OSBPL3: variants seen among roughly 807,000 people sequenced by gnomAD.
OSBPL3 encodes oxysterol binding protein like 3.
OSBPL3 carries 65 observed loss-of-function variants against 120.1 expected under a neutral mutation model. The observed-to-expected ratio is 0.54, with a 90% CI of 0.44 to 0.67. The LOEUF is 0.67. OSBPL3 is among the 30% of genes least tolerant of loss of function. The pLI, the probability that OSBPL3 is intolerant of heterozygous loss-of-function variation, is 0.00. For synonymous variants in OSBPL3, 416 were observed against 402.6 expected (o/e 1.03, Z -0.40); for missense variants, 1,004 against 1,082.1 (o/e 0.93, Z 1.01).
intron 14 of OSBPL3, among the ~76,000 whole-genome samples, chr7:24,836,986 C>A (rs1797079312): frequency 6.6e-6 from 1 of 152,096 alleles, no homozygotes; most frequent in Admixed American, 6.6e-5. Flanking sequence ...AGATGCACAC[C>A]AACATGCCTG....
chr7:24,801,863 T>C (rs1331739901), intron 22 of OSBPL3, among the ~76,000 whole-genome samples: 1 of 152,254 alleles, frequency 6.6e-6, no homozygotes, highest in African/African-American at 2.4e-5. Context: ...TATACAGTTG[T>C]ATGATATTCC....
At chr7:24,917,517 G>A (rs535889974) in intron 1 of OSBPL3, among the ~76,000 whole-genome samples, 52 of 145,788 alleles carry the variant, frequency 3.6e-4, no homozygotes, top group African/African-American at 1.2e-3. Flanking sequence ...CAATTTTTTT[G>A]TAACTCCTAA....
At position 24,883,460 on chromosome 7, in the gene OSBPL3, T is replaced by C. The variant is rs1004978584; in HGVS notation, c.96+8917A>G. ...TTGCATCAATAGCTTCTTGAGAACA[T>C]TCCATTACCTTGTACAGCTGCTATG... On this transcript the variant is annotated intron_variant, in intron 2 of 22. Coordinates refer to ENST00000313367, the MANE Select transcript of OSBPL3 (RefSeq NM_015550.4). The surrounding 1 kb of genome is among the most constrained non-coding windows in gnomAD (Gnocchi z 5.4). 6.6e-5 allele frequency among the ~76,000 whole-genome samples: 10 copies of C among 152,164 alleles called. No homozygotes were observed. Among genetic ancestry groups the C allele is most frequent in the African/African-American group, 2.4e-4 (10 of 41,430 alleles).
In OSBPL3 at chr7:24,883,390, C is replaced by T. The variant is rs188489413; in HGVS notation, c.96+8987G>A. Among the ~76,000 whole-genome samples, 24 of 152,202 alleles carry T rather than the reference C, an allele frequency of 1.6e-4. 1 individual carries two copies. The South Asian group carries it at 2.5e-3, about 16-fold the overall frequency. ...TATCAAATTACTGAAGCAGACTTTCCCCTCCCCAGGAAAGAGCTATTGAAT... is the reference window on the plus strand; with the variant it reads ...TATCAAATTACTGAAGCAGACTTTCTCCTCCCCAGGAAAGAGCTATTGAAT... On this transcript the variant is annotated intron_variant, in intron 2 of 22. Coordinates refer to ENST00000313367, the MANE Select transcript of OSBPL3 (RefSeq NM_015550.4). This position sits in a 1 kb window ranked among gnomAD's most constrained non-coding sequence, Gnocchi z 5.4.
Position 24,879,506 on chromosome 7 carries a change from T to A in OSBPL3, c.97-7437A>T, listed in dbSNP as rs1803345892. Among the ~76,000 whole-genome samples, 1 of 152,190 alleles carries A rather than the reference T, an allele frequency of 6.6e-6. No homozygotes were observed. Among genetic ancestry groups the A allele is most frequent in the Non-Finnish European group, 1.5e-5 (1 of 68,034 alleles). On this transcript the variant is annotated intron_variant, in intron 2 of 22. Transcript: ENST00000313367. The surrounding 1 kb of genome is among the most constrained non-coding windows in gnomAD (Gnocchi z 5.6). The stretch of plus-strand genomic sequence containing the variant: ...AATTCAGGCCCCAGAATGTTTCAAG[T>A]CTTACTACTTGGTTAGCCACAGACC...
rs547731037 is a variant in OSBPL3, at chr7:24,897,803, G to T, written c.-149-5182C>A. 3.3e-5 allele frequency among the ~76,000 whole-genome samples: 5 copies of T among 152,310 alleles called. No individual in the cohort carries two copies. The South Asian group carries it at 8.3e-4, about 25-fold the overall frequency. On this transcript the variant is annotated intron_variant, in intron 1 of 22. Coordinates refer to ENST00000313367, the MANE Select transcript of OSBPL3 (RefSeq NM_015550.4). ...TCATCACCACTAGCTCTCCAAAAAA[G>T]CAACATTATCTGGTAGATTGCAAAA...
chr7:24,934,565 T>A (rs1373874991), intron 1 of OSBPL3, among the ~76,000 whole-genome samples: 1 of 152,182 alleles, frequency 6.6e-6, no homozygotes, highest in East Asian at 1.9e-4. Flanking sequence ...AAGTCTATCA[T>A]GCAAGCTGAT....
Position 24,798,444 on chromosome 7 carries a change from GA to G in OSBPL3, c.*1738del, listed in dbSNP as rs1791946912. 1 of 152,192 alleles carries G rather than the reference GA, an allele frequency of 6.6e-6. No homozygotes were observed. Among genetic ancestry groups the G allele is most frequent in the Non-Finnish European group, 1.5e-5 (1 of 68,034 alleles). The allele number at this position is 152,192 out of a possible 1,614,324, so 9.4% of individuals were successfully genotyped here. ...AGAATTTGGATAAATGCTTGAGATG[GA>G]AAGAACAAAGCATACACCAAAGAAT... On this transcript the variant is annotated 3_prime_UTR_variant, in exon 23 of 23. Transcript: ENST00000313367. This position sits in a 1 kb window ranked among gnomAD's most constrained non-coding sequence, Gnocchi z 4.6.
chr7:24,852,783 T>TA lies in OSBPL3; in HGVS notation c.1028-150dup. On this transcript the variant is annotated intron_variant, in intron 10 of 22. Transcript: ENST00000313367. The surrounding 1 kb of genome is among the most constrained non-coding windows in gnomAD (Gnocchi z 4.1). Reference sequence around the variant, plus strand: ...CAAATGTACATTCTACCTTGACTTTTAAAAAACACATTTGCCATGTAGAAC... The same window carrying TA: ...CAAATGTACATTCTACCTTGACTTTTAAAAAAACACATTTGCCATGTAGAAC... 1.7e-6 allele frequency: 1 copy of TA among 581,638 alleles called. No homozygotes were observed. Among genetic ancestry groups the TA allele is most frequent in the East Asian group, 3.1e-5 (1 of 32,588 alleles). 36.0% of individuals were successfully genotyped at this position (581,638 alleles called of 1,614,324 possible). A position where few individuals can be genotyped will look rare whatever the true frequency, so the allele number is the denominator to read the frequency against.
intron 12 of OSBPL3, among the ~76,000 whole-genome samples, chr7:24,845,384 T>TAAAAAAAAAAAAAA (rs34559902): frequency 1.1e-3 from 68 of 62,262 alleles, no homozygotes; most frequent in South Asian, 2.5e-3. Context: ...GCAAAATAAG[T>TAAAAAAAAAAAAAA]AAAAAAAAAA....
intron 19 of OSBPL3, chr7:24,810,270 A>G (rs2128115707): frequency 1.0e-5 from 2 of 200,856 alleles, no homozygotes; most frequent in Middle Eastern, 2.1e-3. Flanking sequence ...CACGCCTGTA[A>G]TCCCAGCACT....
intron 12 of OSBPL3, among the ~76,000 whole-genome samples, chr7:24,846,737 C>G (rs1798489759): frequency 6.6e-6 from 1 of 152,098 alleles, no homozygotes; most frequent in African/African-American, 2.4e-5. Flanking sequence ...TAGCCAGGCC[C>G]AACACCAAAG....
rs765500208 is a variant in OSBPL3, at chr7:24,947,822, A to G, written c.-150+32064T>C. Reference sequence around the variant, plus strand: ...CACACACACACACTCATTGCATACTACCCATGTGCCAGATTCTGTGATCGG... The same window carrying G: ...CACACACACACACTCATTGCATACTGCCCATGTGCCAGATTCTGTGATCGG... On this transcript the variant is annotated intron_variant, in intron 1 of 22. Transcript: ENST00000313367. The surrounding 1 kb of genome is among the most constrained non-coding windows in gnomAD (Gnocchi z 4.4). 6.6e-6 allele frequency among the ~76,000 whole-genome samples: 1 copy of G among 151,400 alleles called. No individual in the cohort carries two copies. The highest frequency in any genetic ancestry group is 1.5e-5 in the Non-Finnish European group (1 of 67,948).
At chr7:24,909,793 T>C (rs1208009679) in intron 1 of OSBPL3, among the ~76,000 whole-genome samples, 11 of 139,582 alleles carry the variant, frequency 7.9e-5, no homozygotes, top group Non-Finnish European at 1.3e-4. Context: ...CTTTTTTTTT[T>C]TTTTTTTTTT....
rs2128424105 is a variant in OSBPL3 at position 24,913,358 on chromosome 7, G to C, written c.-149-20737C>G. ...GAACATGGGGTGAAAAAGTCTCCTA[G>C]GTAAGTCAGCAGCAACACTCTCTTC... On this transcript the variant is annotated intron_variant, in intron 1 of 22. Transcript: ENST00000313367. This position sits in a 1 kb window ranked among gnomAD's most constrained non-coding sequence, Gnocchi z 5.3. 6.6e-6 allele frequency among the ~76,000 whole-genome samples: 1 copy of C among 152,190 alleles called. No homozygotes were observed. The highest frequency in any genetic ancestry group is 1.9e-4 in the East Asian group (1 of 5,186).
rs931935382 is a variant in OSBPL3 at position 24,834,364 on chromosome 7, T to C, written c.1746+122A>G. On this transcript the variant is annotated intron_variant, in intron 15 of 22. Transcript: ENST00000313367. This position sits in a 1 kb window ranked among gnomAD's most constrained non-coding sequence, Gnocchi z 5.2. The stretch of plus-strand genomic sequence containing the variant: ...CAGACAGCTCTGAGTAATGAACCTG[T>C]TTACGGAACAATCAAAATGAAACCG... 9 of 1,512,678 alleles carry C rather than the reference T, an allele frequency of 5.9e-6. No homozygotes were observed. The highest frequency in any genetic ancestry group is 1.4e-5 in the African/African-American group (1 of 71,584). 93.7% of individuals were successfully genotyped at this position (1,512,678 alleles called of 1,614,324 possible).
At chr7:24,902,396 A>T (rs999660317) in intron 1 of OSBPL3, among the ~76,000 whole-genome samples, 5 of 152,140 alleles carry the variant, frequency 3.3e-5, no homozygotes, top group Admixed American at 6.6e-5. Context: ...ACTGAAAATT[A>T]TTGCACACAC....
In OSBPL3 at chr7:24,968,914, A is replaced by T. The variant is rs1401922515; in HGVS notation, c.-150+10972T>A. 6.6e-6 allele frequency among the ~76,000 whole-genome samples: 1 copy of T among 152,232 alleles called. No homozygotes were observed. Among genetic ancestry groups the T allele is most frequent in the African/African-American group, 2.4e-5 (1 of 41,454 alleles). On this transcript the variant is annotated intron_variant, in intron 1 of 22. Coordinates refer to ENST00000313367, the MANE Select transcript of OSBPL3 (RefSeq NM_015550.4). This position sits in a 1 kb window ranked among gnomAD's most constrained non-coding sequence, Gnocchi z 4.6. ...TTTTTAATTAGTACTTACTGATGAA[A>T]ATTAAGTTACTTGCAATCTGGTATT...
rs1792810542 is a variant in OSBPL3, at chr7:24,804,681, C to T, written c.2445-244G>A. ...AGAATTTGGGGCAAAGTCTTCCTTT[C>T]TTCCTTGTCTCTAATTCCAGCCACC... On this transcript the variant is annotated intron_variant, in intron 21 of 22. Coordinates refer to ENST00000313367, the MANE Select transcript of OSBPL3 (RefSeq NM_015550.4). The surrounding 1 kb of genome is among the most constrained non-coding windows in gnomAD (Gnocchi z 5.4). Among the ~76,000 whole-genome samples the T allele has an allele frequency of 6.6e-6, 1 of 152,164 alleles. No individual in the cohort carries two copies. The highest frequency in any genetic ancestry group is 1.5e-5 in the Non-Finnish European group (1 of 68,026).
Sources: gnomAD v4.1 joint callset for allele counts (sites outside exome capture counted in the v4.1 genomes callset) on GRCh38, gnomAD v4.1.1 for gene constraint, Gnocchi (gnomAD v3.1) non-coding constraint, MANE v1.5 for transcripts, NCBI Gene and HGNC (gene_info 2026-07-23, HGNC 2026-07-21) for gene names.